The following SEMA5A variants were observed in gnomAD, a reference collection of about 807,000 sequenced individuals.
The protein encoded by SEMA5A is semaphorin 5A, also known as semaphorin-5A.
SEMA5A carries 55 observed loss-of-function variants against 135.5 expected under a neutral mutation model. The observed-to-expected ratio is 0.41, with a 90% confidence interval of 0.33 to 0.51. SEMA5A has a LOEUF of 0.51. SEMA5A is among the 20% of genes least tolerant of loss of function. The pLI is 0.37. For synonymous variants in SEMA5A, 580 were observed against 546.5 expected (o/e 1.06, Z -0.85); for missense variants, 1,290 against 1,419.9 (o/e 0.91, Z 1.47).
At chr5:9,447,639 G>A (rs1579556406) in intron 1 of SEMA5A, among the ~76,000 whole-genome samples, 1 of 152,148 alleles carries the variant, frequency 6.6e-6, no homozygotes, top group South Asian at 2.1e-4. Context: ...CCCTGAGTGT[G>A]TCGCACAACC....
At chr5:9,286,721 CACAT>C (rs373443086) in intron 5 of SEMA5A, among the ~76,000 whole-genome samples, 2 of 79,198 alleles carry the variant, frequency 2.5e-5, no homozygotes, top group African/African-American at 6.5e-5. Flanking sequence ...CACTTATACA[CACAT>C]ACACACACAC....
intron 3 of SEMA5A, among the ~76,000 whole-genome samples, chr5:9,377,107 G>GAA (rs57379643): frequency 2.8e-4 from 25 of 89,882 alleles, no homozygotes; most frequent in African/African-American, 7.4e-4. Flanking sequence ...TGTAGCTACC[G>GAA]AAAAAAAAAA....
chr5:9,456,805 C>T (rs1021170419), intron 1 of SEMA5A, among the ~76,000 whole-genome samples: 11 of 152,148 alleles, frequency 7.2e-5, no homozygotes, highest in African/African-American at 2.7e-4. Context: ...TTTTAAAGAA[C>T]CATTTGGAAA....
chr5:9,247,175 G>A (rs1748525769), intron 5 of SEMA5A, among the ~76,000 whole-genome samples: 1 of 152,132 alleles, frequency 6.6e-6, no homozygotes, highest in South Asian at 2.1e-4. Flanking sequence ...TTTTACTGAT[G>A]TGAATGAAAT....
At position 9,040,112 on chromosome 5, in the gene SEMA5A, C is replaced by T. The variant is rs1258072732; in HGVS notation, c.*2785G>A. 6.6e-6 allele frequency: 1 copy of T among 151,936 alleles called. No individual in the cohort carries two copies. The highest frequency in any genetic ancestry group is 2.4e-5 in the African/African-American group (1 of 41,330). The allele number at this position is 151,936 out of a possible 1,614,324, so 9.4% of individuals were successfully genotyped here. On this transcript the variant is annotated 3_prime_UTR_variant, in exon 23 of 23. Coordinates refer to ENST00000382496, the MANE Select transcript of SEMA5A (RefSeq NM_003966.3). ...AGGTGCAGAAAGGTGTAGCTTAAAACTATGTGTTGGTTTTTGTTCCACTTG... is the reference window on the plus strand; with the variant it reads ...AGGTGCAGAAAGGTGTAGCTTAAAATTATGTGTTGGTTTTTGTTCCACTTG...
intron 1 of SEMA5A, among the ~76,000 whole-genome samples, chr5:9,464,694 G>A (rs1759188329): frequency 6.6e-6 from 1 of 151,598 alleles, no homozygotes; most frequent in Non-Finnish European, 1.5e-5. Flanking sequence ...CCCCAGCCCT[G>A]GCATGGAAGC....
chr5:9,370,254 T>C (rs1194963809), intron 3 of SEMA5A, among the ~76,000 whole-genome samples: 3 of 152,342 alleles, frequency 2.0e-5, no homozygotes, highest in Admixed American at 2.0e-4. Flanking sequence ...GCTCAGCCGT[T>C]CCTGGCGTCA....
intron 8 of SEMA5A, among the ~76,000 whole-genome samples, chr5:9,222,828 G>C (rs1174922002): frequency 6.6e-6 from 1 of 152,200 alleles, no homozygotes; most frequent in Non-Finnish European, 1.5e-5. Flanking sequence ...CACCTGATCA[G>C]CTGGTGGTCA....
intron 2 of SEMA5A, among the ~76,000 whole-genome samples, chr5:9,425,003 C>T (rs1757594163): frequency 6.6e-6 from 1 of 152,186 alleles, no homozygotes; most frequent in Non-Finnish European, 1.5e-5. Context: ...TCATATCCCA[C>T]CACTGCTTCT....
rs780818611 is a variant in SEMA5A at position 9,051,963 on chromosome 5, G to T, written c.2755C>A (p.Gln919Lys). Residue 919 changes from glutamine to lysine, a missense_variant, in exon 20 of 23, where the codon CAG becomes AAG. Physicochemically the swap from Gln to Lys is moderately conservative, Grantham distance 53. Transcript: ENST00000382496. ...CCCATGGGGAACAGGAGGATGCACT[G>T]GCGGGCGCGGACTTGGACGCCAGAG... ...EASGVQVRAR[Q>K]CILLFPMGSQ... 1.6e-5 allele frequency: 26 copies of T among 1,613,906 alleles called. No individual in the cohort carries two copies. In the South Asian group the frequency reaches 2.5e-4, roughly 16 times the overall value.
chr5:9,490,589 G>T (rs976269087), intron 1 of SEMA5A, among the ~76,000 whole-genome samples: 1 of 152,140 alleles, frequency 6.6e-6, no homozygotes, highest in African/African-American at 2.4e-5. Flanking sequence ...ATATCCAGTT[G>T]CTGTACTCAA....
rs576300541 is a variant in SEMA5A, at chr5:9,473,481, G to A, written c.-174-35629C>T. Among the ~76,000 whole-genome samples the A allele has an allele frequency of 3.3e-4, 49 of 150,172 alleles. 1 individual carries two copies. The Middle Eastern group carries it at 0.01, about 32-fold the overall frequency. On this transcript the variant is annotated intron_variant, in intron 1 of 22. Transcript: ENST00000382496. ...TTCTGACTCTCCAGGAACAGCCACC[G>A]GGGATCAGGCTACCAAGACGAAGGC...
At chr5:9,070,158 G>A (rs560941682) in intron 16 of SEMA5A, among the ~76,000 whole-genome samples, 1 of 152,188 alleles carries the variant, frequency 6.6e-6, no homozygotes, top group African/African-American at 2.4e-5. Context: ...ATCACCTGAG[G>A]TCAGGAGTTC....
intron 12 of SEMA5A, among the ~76,000 whole-genome samples, chr5:9,149,393 C>T (rs961708836): frequency 3.0e-4 from 45 of 152,180 alleles, no homozygotes; most frequent in African/African-American, 9.9e-4. Flanking sequence ...CCTGTAATCT[C>T]AGCAATTTGG....
At chr5:9,514,157 C>T (rs1394413635) in intron 1 of SEMA5A, among the ~76,000 whole-genome samples, 9 of 152,208 alleles carry the variant, frequency 5.9e-5, no homozygotes, top group Non-Finnish European at 1.0e-4. Context: ...ATCTCCAATT[C>T]TCTCTCTGCT....
chr5:9,144,826 T>G (rs892840855), intron 12 of SEMA5A, among the ~76,000 whole-genome samples: 1 of 152,174 alleles, frequency 6.6e-6, no homozygotes, highest in African/African-American at 2.4e-5. Flanking sequence ...TCTCATGAAC[T>G]GTTGATTTGC....
chr5:9,056,707 C>A lies in SEMA5A; in HGVS notation c.2519-2450G>T, dbSNP rs572636497. ...AATGCATCCAGCATGGCTGACACAG[C>A]GAGACTCCATCACAAAATAAAAAAA... On this transcript the variant is annotated intron_variant, in intron 18 of 22. Coordinates refer to ENST00000382496, the MANE Select transcript of SEMA5A (RefSeq NM_003966.3). Among the ~76,000 whole-genome samples the A allele has an allele frequency of 3.9e-5, 6 of 152,098 alleles. No homozygotes were observed. The East Asian group carries it at 1.2e-3, about 29-fold the overall frequency.
rs984832406 is a variant in SEMA5A at position 9,494,339 on chromosome 5, T to A, written c.-175+51245A>T. ...GTACAATATCCATTCAAAAATTGAG[T>A]AGGTATATGGTGATGGACATAGATC... On this transcript the variant is annotated intron_variant, in intron 1 of 22. Coordinates refer to ENST00000382496, the MANE Select transcript of SEMA5A (RefSeq NM_003966.3). Among the ~76,000 whole-genome samples, 2 of 152,026 alleles carry A rather than the reference T, an allele frequency of 1.3e-5. 1 individual carries two copies. Among genetic ancestry groups the A allele is most frequent in the Admixed American group, 1.3e-4 (2 of 15,260 alleles).
At chr5:9,356,539 C>A (rs1407243970) in intron 3 of SEMA5A, among the ~76,000 whole-genome samples, 5 of 152,098 alleles carry the variant, frequency 3.3e-5, no homozygotes, top group African/African-American at 1.2e-4. Flanking sequence ...CGGAAAAGAA[C>A]CCCCACCAAG....
Sources: allele counts gnomAD v4.1 joint callset (sites outside exome capture counted in the v4.1 genomes callset), GRCh38; gene constraint gnomAD v4.1.1; transcripts MANE v1.5; gene names NCBI Gene and HGNC (gene_info 2026-07-23, HGNC 2026-07-21).